RELN: variants seen among roughly 807,000 people sequenced by gnomAD.
The protein encoded by RELN is reelin.
RELN carries 108 observed loss-of-function variants against 427.6 expected under a neutral mutation model. That is an observed-to-expected ratio of 0.25 (90% CI 0.22 to 0.30). RELN has a LOEUF of 0.30. Among genes scored for constraint, RELN ranks in the 10% least tolerant of loss-of-function variants. The probability of loss-of-function intolerance (pLI) is 1.00; values close to 1 mark genes in which losing one functional copy is unlikely to be tolerated. For synonymous variants in RELN, 1,524 were observed against 1,513.4 expected (o/e 1.01, Z -0.16); for missense variants, 3,715 against 4,302.8 (o/e 0.86, Z 3.82).
intron 3 of RELN, among the ~76,000 whole-genome samples, chr7:103,820,694 C>G (rs377547711): frequency 6.6e-6 from 1 of 152,010 alleles, no homozygotes; most frequent in African/African-American, 2.4e-5. Flanking sequence ...AAGACATCCA[C>G]CTTGATTCTA....
chr7:103,566,430 A>C lies in RELN; in HGVS notation c.4748-18T>G. 3 of 1,613,108 alleles carry C rather than the reference A, an allele frequency of 1.9e-6. No individual in the cohort carries two copies. Among genetic ancestry groups the C allele is most frequent in the Non-Finnish European group, 2.5e-6 (3 of 1,179,058 alleles). ...ATGCTTCCCTGCAATCAGATGAATA[A>C]AGGTGGTTAGAGAAGTTTTGTTACA... is the stretch of plus-strand genomic sequence containing the variant. On this transcript the variant is annotated intron_variant, in intron 32 of 64. Transcript: ENST00000428762.
At chr7:103,921,894 G>A (rs139120729) in intron 1 of RELN, among the ~76,000 whole-genome samples, 112 of 152,282 alleles carry the variant, frequency 7.4e-4, no homozygotes, top group Admixed American at 1.5e-3. Flanking sequence ...GTATTCAGGT[G>A]CAGGTTCAAA....
At chr7:103,896,681 G>A (rs968881494) in intron 2 of RELN, among the ~76,000 whole-genome samples, 16 of 151,978 alleles carry the variant, frequency 1.1e-4, no homozygotes, top group Admixed American at 2.6e-4. Context: ...TTACACAGGC[G>A]TGTACATTTA....
At chr7:103,662,808 T>C (rs1833173888) in intron 11 of RELN, among the ~76,000 whole-genome samples, 1 of 152,086 alleles carries the variant, frequency 6.6e-6, no homozygotes, top group Non-Finnish European at 1.5e-5. Flanking sequence ...CTCAGTGATA[T>C]TTCTAAACTG....
At chr7:103,926,435 C>T (rs565004733) in intron 1 of RELN, among the ~76,000 whole-genome samples, 23 of 152,010 alleles carry the variant, frequency 1.5e-4, no homozygotes, top group South Asian at 4.2e-4. Flanking sequence ...TATGCCATTA[C>T]GAAATTCTTA....
chr7:103,472,599 A>C lies in RELN; in HGVS notation c.*213T>G, dbSNP rs2116945109. The stretch of plus-strand genomic sequence containing the variant: ...AACAGATCACAACTTTCACGGACAC[A>C]TCAACATGAAGACATTTACTTATGA... On this transcript the variant is annotated 3_prime_UTR_variant, in exon 65 of 65. Transcript: ENST00000428762. The C allele has an allele frequency of 1.8e-6, 1 of 552,164 alleles. No homozygotes were observed. The highest frequency in any genetic ancestry group is 3.1e-5 in the East Asian group (1 of 31,778). The allele number at this position is 552,164 out of a possible 1,614,324, so 34.2% of individuals were successfully genotyped here.
In RELN at chr7:103,640,609, A is replaced by G; in HGVS notation, c.2003T>C (p.Val668Ala). 6.2e-7 allele frequency: 1 copy of G among 1,613,754 alleles called. No homozygotes were observed. The highest frequency in any genetic ancestry group is 8.5e-7 in the Non-Finnish European group (1 of 1,179,802). The change falls in exon 17 of 65, where the codon GTT (valine) becomes GCT (alanine). Residue 668 changes from valine (V) to alanine (A), a missense_variant and splice_region_variant. Coordinates refer to ENST00000428762, the MANE Select transcript of RELN (RefSeq NM_005045.4). This position sits in a 1 kb window ranked among gnomAD's most constrained non-coding sequence, Gnocchi z 4.1. ...TTTGAGACATGACGGGCCAATATAA[A>G]CTGTGGGAGGGAAAAAGAGAACATA... is the stretch of plus-strand genomic sequence containing the variant. ...ILGNMWAIDNVYIGPSCLKFC... is the reference protein window; with the variant it reads ...ILGNMWAIDNAYIGPSCLKFC...
chr7:103,786,095 A>G (rs1466971909), intron 3 of RELN, among the ~76,000 whole-genome samples: 1 of 152,066 alleles, frequency 6.6e-6, no homozygotes. Context: ...TTTGAAGGAA[A>G]TAAGTTGTAA....
chr7:103,589,568 C>T (rs1231875428), intron 28 of RELN, 28 bp downstream of exon 28: 3 of 1,474,562 alleles, frequency 2.0e-6, no homozygotes, highest in Non-Finnish European at 1.9e-6. Context: ...TCTTAATGGC[C>T]CAAACCCATT....
intron 64 of RELN, among the ~76,000 whole-genome samples, chr7:103,475,129 G>A (rs947221236): frequency 7.2e-5 from 11 of 151,860 alleles, no homozygotes; most frequent in Admixed American, 3.3e-4. Context: ...CTTTCTACCC[G>A]CCTCATTGGC....
intron 24 of RELN, among the ~76,000 whole-genome samples, chr7:103,597,631 G>A (rs1481240111): frequency 6.6e-6 from 1 of 151,964 alleles, no homozygotes; most frequent in Non-Finnish European, 1.5e-5. Flanking sequence ...TACTTGAATC[G>A]AATCTCTCAG....
intron 5 of RELN, among the ~76,000 whole-genome samples, chr7:103,752,849 C>T (rs1791040156): frequency 6.6e-6 from 1 of 152,126 alleles, no homozygotes; most frequent in Non-Finnish European, 1.5e-5. Context: ...TAGCTCCATG[C>T]TCTAATATTT....
rs3840642 is a variant in RELN at position 103,485,751 on chromosome 7, ACCATCCAT to A, written c.9983+438_9983+445del. On this transcript the variant is annotated intron_variant, in intron 61 of 64. Coordinates refer to ENST00000428762, the MANE Select transcript of RELN (RefSeq NM_005045.4). ...AAATTTTAAAGGTCTTATCCATCCA[ACCATCCAT>A]CCATCCATCCATCCTCCATTTCTAT... Among the ~76,000 whole-genome samples the A allele has an allele frequency of 3.1e-3, 310 of 99,296 alleles. 2 individuals carry two copies. Among genetic ancestry groups the A allele is most frequent in the South Asian group, 9.3e-3 (29 of 3,124 alleles). 65.1% of individuals were successfully genotyped at this position (99,296 alleles called of 152,430 possible).
intron 2 of RELN, among the ~76,000 whole-genome samples, chr7:103,844,278 TTC>T (rs1793623831): frequency 6.6e-6 from 1 of 152,168 alleles, no homozygotes; most frequent in Admixed American, 6.5e-5. Flanking sequence ...AGCCTGTCTT[TTC>T]TCTCTCTCCT....
chr7:103,757,644 G>A (rs1791193806), intron 4 of RELN, among the ~76,000 whole-genome samples: 1 of 152,198 alleles, frequency 6.6e-6, no homozygotes, highest in South Asian at 2.1e-4. Context: ...TTTAACAGAA[G>A]TGTAAAAAGA....
intron 46 of RELN, among the ~76,000 whole-genome samples, chr7:103,533,981 G>A (rs558772473): frequency 2.0e-5 from 3 of 152,112 alleles, no homozygotes; most frequent in South Asian, 4.2e-4. Context: ...AAAATCTCAC[G>A]TATCTCATTT....
Position 103,812,025 on chromosome 7 carries a change from A to G in RELN, c.473+21512T>C, listed in dbSNP as rs111444224. Among the ~76,000 whole-genome samples, 430 of 152,320 alleles carry G rather than the reference A, an allele frequency of 2.8e-3. 3 individuals are homozygous for G. Among genetic ancestry groups the G allele is most frequent in the African/African-American group, 0.01 (417 of 41,568 alleles). On this transcript the variant is annotated intron_variant, in intron 3 of 64. Coordinates refer to ENST00000428762, the MANE Select transcript of RELN (RefSeq NM_005045.4). The stretch of plus-strand genomic sequence containing the variant: ...CAAATGGCTTTGCCTTGTTGCATCC[A>G]TAGGATCTGTAAAAATAGATAGCTG...
At position 103,831,949 on chromosome 7, in the gene RELN, A is replaced by G. The variant is rs373307167; in HGVS notation, c.473+1588T>C. On this transcript the variant is annotated intron_variant, in intron 3 of 64. Coordinates refer to ENST00000428762, the MANE Select transcript of RELN (RefSeq NM_005045.4). ...GACAAGTTAGGAAGCTACTGCAATC[A>G]TCTTAGCAAAACATACTGGAAGGAA... Among the ~76,000 whole-genome samples, 67 of 152,290 alleles carry G rather than the reference A, an allele frequency of 4.4e-4. 3 individuals carry two copies. Among genetic ancestry groups the G allele is most frequent in the African/African-American group, 1.5e-3 (64 of 41,568 alleles).
At chr7:103,482,773 T>C in intron 63 of RELN, 100 bp downstream of exon 63, 2 of 1,587,510 alleles carry the variant, frequency 1.3e-6, no homozygotes, top group Non-Finnish European at 1.7e-6. Flanking sequence ...TGGGGGCTTC[T>C]CATCAAAAAC....
Sources: gnomAD v4.1 joint callset for allele counts (sites outside exome capture counted in the v4.1 genomes callset) on GRCh38, gnomAD v4.1.1 for gene constraint, Gnocchi (gnomAD v3.1) non-coding constraint, MANE v1.5 for transcripts, NCBI Gene and HGNC (gene_info 2026-07-23, HGNC 2026-07-21) for gene names.